Variants in DPYSL3 observed in about 807,000 individuals in gnomAD.
DPYSL3 encodes the protein dihydropyrimidinase like 3, also known as dihydropyrimidinase-related protein 3.
DPYSL3 carries 16 observed loss-of-function variants against 66.1 expected under a neutral mutation model. That is an observed-to-expected ratio of 0.24 (90% CI 0.16 to 0.37). The LOEUF (loss-of-function observed/expected upper bound fraction) is 0.37, where lower values mean the gene tolerates loss of function less well. Among genes scored for constraint, DPYSL3 ranks in the 10% least tolerant of loss-of-function variants. The pLI, the probability that DPYSL3 is intolerant of heterozygous loss-of-function variation, is 1.00. For missense variants in DPYSL3, 738 were observed against 916.2 expected (o/e 0.81, Z 2.51); for synonymous variants, 338 against 345.1 (o/e 0.98, Z 0.23).
chr5:147,497,390 T>C (rs957073735), intron 1 of DPYSL3, among the ~76,000 whole-genome samples: 1 of 151,804 alleles, frequency 6.6e-6, no homozygotes. Context: ...CCCTAAAACT[T>C]AAAGTATAAT....
At chr5:147,426,598 T>G (rs1039169604) in intron 1 of DPYSL3, among the ~76,000 whole-genome samples, 36 of 152,272 alleles carry the variant, frequency 2.4e-4, no homozygotes, top group African/African-American at 8.7e-4. Flanking sequence ...AGACATCATA[T>G]GCAGGGCCAA....
At chr5:147,441,938 T>C (rs765454379) in intron 1 of DPYSL3, among the ~76,000 whole-genome samples, 15 of 152,220 alleles carry the variant, frequency 9.9e-5, no homozygotes, top group Non-Finnish European at 1.8e-4. Context: ...AAGCAGATTA[T>C]ATTCAATTGC....
chr5:147,396,609 A>G (rs898547476), intron 12 of DPYSL3, among the ~76,000 whole-genome samples: 1 of 152,092 alleles, frequency 6.6e-6, no homozygotes, highest in Non-Finnish European at 1.5e-5. Context: ...GAGCCCATCA[A>G]ATGTGCAGAT....
At chr5:147,482,331 A>C (rs966494573) in intron 1 of DPYSL3, among the ~76,000 whole-genome samples, 2 of 152,248 alleles carry the variant, frequency 1.3e-5, no homozygotes, top group African/African-American at 4.8e-5. Flanking sequence ...TGATTTGCTC[A>C]GGGGTAATAC....
chr5:147,397,539 C>A, intron 12 of DPYSL3, 127 bp downstream of exon 12: 1 of 1,053,172 alleles, frequency 9.5e-7, no homozygotes, highest in African/African-American at 1.6e-5. Context: ...TTCTTGGGGA[C>A]AAGACTGTCA....
chr5:147,417,857 T>G (rs1303267731), intron 3 of DPYSL3, among the ~76,000 whole-genome samples: 1 of 152,116 alleles, frequency 6.6e-6, no homozygotes, highest in Non-Finnish European at 1.5e-5. Flanking sequence ...TAAATGCAAG[T>G]GGAAGTCAAA....
intron 1 of DPYSL3, chr5:147,453,670 C>G (rs1243547123): frequency 8.8e-6 from 13 of 1,469,908 alleles, no homozygotes. Context: ...GCGCACAGCG[C>G]CCCGAGATCA....
intron 1 of DPYSL3, among the ~76,000 whole-genome samples, chr5:147,493,477 G>A (rs1753447279): frequency 1.3e-5 from 2 of 152,082 alleles, no homozygotes; most frequent in Admixed American, 1.3e-4. Flanking sequence ...GGAGGCTGTG[G>A]TGGGAGGGAA....
At chr5:147,483,804 TTA>T (rs1335164406) in intron 1 of DPYSL3, among the ~76,000 whole-genome samples, 1 of 152,006 alleles carries the variant, frequency 6.6e-6, no homozygotes, top group African/African-American at 2.4e-5. Flanking sequence ...CAAGAAGGAG[TTA>T]GAATAGCTCA....
intron 3 of DPYSL3, among the ~76,000 whole-genome samples, chr5:147,418,245 G>C (rs562001617): frequency 1.1e-4 from 16 of 152,306 alleles, no homozygotes; most frequent in African/African-American, 3.6e-4. Context: ...CCATGACCAA[G>C]AGCCTCATGA....
At chr5:147,449,648 C>A (rs1056350973) in intron 1 of DPYSL3, among the ~76,000 whole-genome samples, 4 of 152,202 alleles carry the variant, frequency 2.6e-5, no homozygotes, top group Non-Finnish European at 5.9e-5. Context: ...CCCCAATATT[C>A]TCACCAGGCA....
intron 1 of DPYSL3, among the ~76,000 whole-genome samples, chr5:147,495,779 T>C (rs1259369989): frequency 2.0e-5 from 3 of 152,174 alleles, no homozygotes; most frequent in Non-Finnish European, 2.9e-5. Flanking sequence ...ACATTCCATG[T>C]TCATGTGTAG....
chr5:147,452,881 G>GCACACACACACA (rs3995474), intron 1 of DPYSL3, among the ~76,000 whole-genome samples: 1 of 137,352 alleles, frequency 7.3e-6, no homozygotes, highest in Non-Finnish European at 1.6e-5. Flanking sequence ...TGCATCGAAG[G>GCACACACACACA]CACACACACA....
intron 1 of DPYSL3, among the ~76,000 whole-genome samples, chr5:147,433,422 C>T (rs1752352674): frequency 6.6e-6 from 1 of 152,088 alleles, no homozygotes; most frequent in South Asian, 2.1e-4. Flanking sequence ...TTTAACTGGG[C>T]TTTTGGTTGG....
chr5:147,452,890 CA>C (rs1315909570), intron 1 of DPYSL3, among the ~76,000 whole-genome samples: 7 of 112,234 alleles, frequency 6.2e-5, no homozygotes, highest in Admixed American at 5.6e-4. Flanking sequence ...GGCACACACA[CA>C]CACACACACA....
chr5:147,402,366 G>GGTAAA (rs1758210579), intron 8 of DPYSL3, among the ~76,000 whole-genome samples: 4 of 78,042 alleles, frequency 5.1e-5, no homozygotes, highest in African/African-American at 2.9e-4. Flanking sequence ...TTTTTTTTTT[G>GGTAAA]AGACGGAGTC....
At chr5:147,461,244 A>C (rs1238486486) in intron 1 of DPYSL3, among the ~76,000 whole-genome samples, 1 of 152,192 alleles carries the variant, frequency 6.6e-6, no homozygotes, top group Non-Finnish European at 1.5e-5. Flanking sequence ...CATCTGCATA[A>C]AAAAAGATTA....
At chr5:147,474,454 T>TC in intron 1 of DPYSL3, among the ~76,000 whole-genome samples, 1 of 152,182 alleles carries the variant, frequency 6.6e-6, no homozygotes, top group South Asian at 2.1e-4. Flanking sequence ...CTTTTACCAT[T>TC]CCCATTTACA....
chr5:147,474,899 C>A (rs1292285126), intron 1 of DPYSL3, among the ~76,000 whole-genome samples: 1 of 151,900 alleles, frequency 6.6e-6, no homozygotes, highest in Non-Finnish European at 1.5e-5. Flanking sequence ...TTTCATCACT[C>A]AAAAAATCCT....
Sources: allele counts gnomAD v4.1 joint callset (sites outside exome capture counted in the v4.1 genomes callset), GRCh38; gene constraint gnomAD v4.1.1; transcripts MANE v1.5; gene names NCBI Gene and HGNC (gene_info 2026-07-23, HGNC 2026-07-21).